COX6B1: variants seen among roughly 807,000 people sequenced by gnomAD.
COX6B1 encodes cytochrome c oxidase subunit 6B1.
In COX6B1, 2 loss-of-function variants were observed where a neutral mutation model predicts 14.0. The observed-to-expected ratio is 0.14, with a 90% CI of 0.06 to 0.45. The LOEUF (loss-of-function observed/expected upper bound fraction) is 0.45. Ranked by LOEUF, COX6B1 falls within the 20% of genes least tolerant of loss-of-function variation. The pLI is 0.98. For synonymous variants in COX6B1, 30 were observed against 39.7 expected, an observed-to-expected ratio of 0.76 and a Z score of 0.92; for missense variants, 81 against 114.2, an observed-to-expected ratio of 0.71 and a Z score of 1.33.
At chr19:35,655,089 G>A (rs946743707) in intron 3 of COX6B1, among the ~76,000 whole-genome samples, 2 of 150,974 alleles carry the variant, frequency 1.3e-5, no homozygotes, top group African/African-American at 4.9e-5. Context: ...GAGTGCAGTG[G>A]CGCGATCTTG....
chr19:35,656,513 C>T (rs573627436), intron 3 of COX6B1, among the ~76,000 whole-genome samples: 60 of 133,854 alleles, frequency 4.5e-4, no homozygotes, highest in Non-Finnish European at 8.1e-4. Context: ...TGGAGTCTTG[C>T]TCTGTCTCCC....
In COX6B1 at chr19:35,658,663, C is replaced by T; in HGVS notation, c.*16C>T. On this transcript the variant is annotated 3_prime_UTR_variant, in exon 4 of 4. Transcript: ENST00000649813. ...GAAGATCTGAACTGGCTGCATCTCC[C>T]TTTCCTCTGTCCTCCATCCTTCTCC... is the stretch of plus-strand genomic sequence containing the variant. 2 of 1,612,818 alleles carry T rather than the reference C, an allele frequency of 1.2e-6. No individual in the cohort carries two copies. Among genetic ancestry groups the T allele is most frequent in the Non-Finnish European group, 1.7e-6 (2 of 1,178,900 alleles).
intron 3 of COX6B1, among the ~76,000 whole-genome samples, chr19:35,656,833 GTAGGTAC>G (rs1446041036): frequency 6.6e-6 from 1 of 152,148 alleles, no homozygotes; most frequent in Non-Finnish European, 1.5e-5. Flanking sequence ...ACCGTATGAG[GTAGGTAC>G]TATTGTTAGT....
At chr19:35,650,005 AT>A (rs34904202) in intron 1 of COX6B1, among the ~76,000 whole-genome samples, 20,887 of 143,510 alleles carry the variant, frequency 0.15, 1,402 homozygotes, top group African/African-American at 0.18. Flanking sequence ...TCAAAATTGT[AT>A]TTTTTTTTTT....
In COX6B1 at chr19:35,654,590, G is replaced by C. The variant is rs202098389; in HGVS notation, c.126G>C (p.Lys42Asn). 6.2e-7 allele frequency: 1 copy of C among 1,614,142 alleles called. No individual in the cohort carries two copies. Among genetic ancestry groups the C allele is most frequent in the Non-Finnish European group, 8.5e-7 (1 of 1,180,018 alleles). The change falls in exon 3 of 4, where the codon AAG becomes AAC. Residue 42 changes from lysine (K) to asparagine (N), a missense_variant. By Grantham distance (94) the Lys-to-Asn change is moderately conservative. Coordinates refer to ENST00000649813, the MANE Select transcript of COX6B1 (RefSeq NM_001863.5). Reference protein sequence around the residue: ...QNYLDFHRCQKAMTAKGGDIS... With the variant: ...QNYLDFHRCQNAMTAKGGDIS... ...TCACAGACTTCCACCGCTGTCAGAAGGCAATGACCGCTAAAGGAGGCGATA... is the reference window on the plus strand; with the variant it reads ...TCACAGACTTCCACCGCTGTCAGAACGCAATGACCGCTAAAGGAGGCGATA...
chr19:35,658,160 CT>C (rs1016626161), intron 3 of COX6B1, among the ~76,000 whole-genome samples: 4 of 152,104 alleles, frequency 2.6e-5, no homozygotes, highest in Non-Finnish European at 5.9e-5. Context: ...TGTTTGGCAC[CT>C]TTTTTGCACT....
intron 1 of COX6B1, among the ~76,000 whole-genome samples, chr19:35,649,407 C>T (rs1967799324): frequency 6.6e-6 from 1 of 151,998 alleles, no homozygotes; most frequent in African/African-American, 2.4e-5. Context: ...GCAACCTCTG[C>T]TTCCCTGTGC....
intron 2 of COX6B1, among the ~76,000 whole-genome samples, chr19:35,651,815 T>G (rs915907161): frequency 6.6e-6 from 1 of 151,988 alleles, no homozygotes; most frequent in Non-Finnish European, 1.5e-5. Context: ...TCTTCCTGCC[T>G]CAGCTTCTCA....
chr19:35,655,420 G>A (rs1967878168), intron 3 of COX6B1, among the ~76,000 whole-genome samples: 1 of 152,066 alleles, frequency 6.6e-6, no homozygotes, highest in Non-Finnish European at 1.5e-5. Context: ...TTTATCCACG[G>A]TTTCTTCATC....
intron 2 of COX6B1, among the ~76,000 whole-genome samples, chr19:35,654,311 C>T (rs1405077428): frequency 6.6e-6 from 1 of 152,130 alleles, no homozygotes; most frequent in Non-Finnish European, 1.5e-5. Context: ...TCAAGACCAG[C>T]CTGGCCAACA....
chr19:35,654,559 C>T lies in COX6B1; in HGVS notation c.107-12C>T, dbSNP rs1967866459. 1 of 1,613,324 alleles carries T rather than the reference C, an allele frequency of 6.2e-7. No homozygotes were observed. The highest frequency in any genetic ancestry group is 1.7e-5 in the Admixed American group (1 of 59,978). On this transcript the variant is annotated splice_polypyrimidine_tract_variant and intron_variant, in intron 2 of 3. Transcript: ENST00000649813. ...TCTTGATCTGGGCTGACTTGAACCC[C>T]TTTCTTCACAGACTTCCACCGCTGT...
chr19:35,653,895 G>A (rs748233707), intron 2 of COX6B1, among the ~76,000 whole-genome samples: 2 of 151,586 alleles, frequency 1.3e-5, no homozygotes, highest in Non-Finnish European at 2.9e-5. Context: ...ATAGAGACAG[G>A]GCTTCACCAT....
intron 1 of COX6B1, among the ~76,000 whole-genome samples, chr19:35,650,995 C>T (rs752195404): frequency 6.6e-6 from 1 of 152,090 alleles, no homozygotes; most frequent in East Asian, 1.9e-4. Flanking sequence ...AGTGTTAGCT[C>T]ATGTTATTTG....
chr19:35,655,753 C>CT (rs1967881238), intron 3 of COX6B1, among the ~76,000 whole-genome samples: 1 of 127,844 alleles, frequency 7.8e-6, no homozygotes, highest in African/African-American at 3.4e-5. Context: ...GCCACTGTGC[C>CT]TGTCTCTCTC....
rs1043078934 is a variant in COX6B1 at position 35,650,253 on chromosome 19, CT to C, written c.-11-979del. Among the ~76,000 whole-genome samples, 82 of 152,208 alleles carry C rather than the reference CT, an allele frequency of 5.4e-4. 1 individual carries two copies. Among genetic ancestry groups the C allele is most frequent in the African/African-American group, 1.9e-3 (80 of 41,540 alleles). On this transcript the variant is annotated intron_variant, in intron 1 of 3. Coordinates refer to ENST00000649813, the MANE Select transcript of COX6B1 (RefSeq NM_001863.5). ...TCCTGACCTCAGGTGATCCACCCCC[CT>C]GGCCTCCCAAAGTGCTAGGATTACA...
In COX6B1 at chr19:35,658,713, A is replaced by G. The variant is rs1967914151; in HGVS notation, c.*66A>G. On this transcript the variant is annotated 3_prime_UTR_variant, in exon 4 of 4. Coordinates refer to ENST00000649813, the MANE Select transcript of COX6B1 (RefSeq NM_001863.5). The stretch of plus-strand genomic sequence containing the variant: ...CCAGGATGGTGAAGGGGGACCTGGT[A>G]CCCAGTGATCCCCACCCCAGGATCC... The G allele has an allele frequency of 1.4e-6, 2 of 1,419,018 alleles. No individual in the cohort carries two copies. The highest frequency in any genetic ancestry group is 2.0e-6 in the Non-Finnish European group (2 of 1,002,976). The allele number at this position is 1,419,018 out of a possible 1,614,324, so 87.9% of individuals were successfully genotyped here.
chr19:35,651,573 G>T (rs559076271), intron 2 of COX6B1, among the ~76,000 whole-genome samples: 1 of 151,898 alleles, frequency 6.6e-6, no homozygotes, highest in South Asian at 2.1e-4. Context: ...ATTATGGTTT[G>T]GTTTTGTTTT....
chr19:35,652,742 G>A (rs926160494), intron 2 of COX6B1, among the ~76,000 whole-genome samples: 2 of 151,550 alleles, frequency 1.3e-5, no homozygotes, highest in Admixed American at 6.6e-5. Context: ...CACTGTGCCC[G>A]GCCTCACATC....
rs562826622 is a variant in COX6B1, at chr19:35,649,279, C to T, written c.-12+876C>T. 5.3e-5 allele frequency among the ~76,000 whole-genome samples: 8 copies of T among 152,120 alleles called. No individual in the cohort carries two copies. The South Asian group carries it at 1.7e-3, about 32-fold the overall frequency. ...GCAACCTCGGTAGTACTAGCAGCAGCGGTGATTTTGTTAGCAATGAAAATC... is the reference window on the plus strand; with the variant it reads ...GCAACCTCGGTAGTACTAGCAGCAGTGGTGATTTTGTTAGCAATGAAAATC... On this transcript the variant is annotated intron_variant, in intron 1 of 3. Coordinates refer to ENST00000649813, the MANE Select transcript of COX6B1 (RefSeq NM_001863.5).
Sources: gnomAD v4.1 joint callset for allele counts (sites outside exome capture counted in the v4.1 genomes callset) on GRCh38, gnomAD v4.1.1 for gene constraint, MANE v1.5 for transcripts, NCBI Gene and HGNC (gene_info 2026-07-23, HGNC 2026-07-21) for gene names.